KIF13B: variants seen among roughly 807,000 people sequenced by gnomAD.
The protein encoded by KIF13B is kinesin-like protein KIF13B.
In KIF13B, 127 loss-of-function variants were observed where a neutral mutation model predicts 222.0. That is an observed-to-expected ratio of 0.57 (90% CI 0.50 to 0.66). The LOEUF is 0.66. KIF13B is among the 30% of genes least tolerant of loss of function. KIF13B has a pLI of 0.00. For synonymous variants in KIF13B, 976 were observed against 919.0 expected, an observed-to-expected ratio of 1.06 and a Z score of -1.12; for missense variants, 2,173 against 2,379.0, an observed-to-expected ratio of 0.91 and a Z score of 1.80.
At chr8:29,074,151 C>G (rs1406890005) in intron 38 of KIF13B, among the ~76,000 whole-genome samples, 1 of 152,180 alleles carries the variant, frequency 6.6e-6, no homozygotes, top group African/African-American at 2.4e-5. Flanking sequence ...GCCAGGCTCT[C>G]CCAGGATGAG....
At chr8:29,220,618 C>T (rs1467152811) in intron 2 of KIF13B, among the ~76,000 whole-genome samples, 1 of 151,846 alleles carries the variant, frequency 6.6e-6, no homozygotes, top group Non-Finnish European at 1.5e-5. Context: ...AATAAGCCCA[C>T]AGAGAAGGAC....
chr8:29,263,192 G>T, upstream of KIF13B: 1 of 635,292 alleles, frequency 1.6e-6, no homozygotes, highest in Non-Finnish European at 2.6e-6. Flanking sequence ...CCGCTGTATG[G>T]CGGGACTTGT....
intron 1 of KIF13B, among the ~76,000 whole-genome samples, chr8:29,252,620 A>G (rs186292581): frequency 6.6e-6 from 1 of 152,370 alleles, no homozygotes; most frequent in East Asian, 1.9e-4. Flanking sequence ...CAAACTTTGC[A>G]TGCCACATGT....
At chr8:29,092,902 G>A in intron 36 of KIF13B, 24 bp from the exon 37 acceptor site, 1 of 1,581,176 alleles carries the variant, frequency 6.3e-7, no homozygotes, top group African/African-American at 1.4e-5. Flanking sequence ...AGGGGAAAAA[G>A]ATAAAACAAA....
At position 29,245,369 on chromosome 8, in the gene KIF13B, C is replaced by A. The variant is rs192135902; in HGVS notation, c.126G>T (p.Thr42=). Residue 42 remains threonine (T), a synonymous_variant, in exon 2 of 40, where the codon ACG becomes ACT. Transcript: ENST00000524189. The stretch of plus-strand genomic sequence containing the variant: ...ACCGGGCATCTCCTTTGGAAAGATT[C>A]GTATTTACAGGATTAAGAATAACCT... The part of the protein sequence containing the change: ...ANKVILNPVN[T]NLSKGDARGQ... The A allele has an allele frequency of 3.1e-6, 5 of 1,598,992 alleles. No homozygotes were observed. The highest frequency in any genetic ancestry group is 2.7e-5 in the African/African-American group (2 of 74,718).
At position 29,117,698 on chromosome 8, in the gene KIF13B, A is replaced by G. The variant is rs549717716; in HGVS notation, c.3661-691T>C. ...CTTCTTAGGGACACTATTAAGTAAT[A>G]ATGTGTCCTCAAATATCACATATCA... On this transcript the variant is annotated intron_variant, in intron 30 of 39. Transcript: ENST00000524189. 2.6e-5 allele frequency among the ~76,000 whole-genome samples: 4 copies of G among 152,298 alleles called. No homozygotes were observed. In the South Asian group the frequency reaches 6.2e-4, roughly 24 times the overall value.
In KIF13B at chr8:29,222,639, C is replaced by T. The variant is rs62505661; in HGVS notation, c.149+22707G>A. Among the ~76,000 whole-genome samples the T allele has an allele frequency of 3.0e-3, 424 of 143,140 alleles. 4 individuals are homozygous for T. The highest frequency in any genetic ancestry group is 0.01 in the African/African-American group (409 of 39,010). 93.9% of individuals were successfully genotyped at this position (143,140 alleles called of 152,430 possible). On this transcript the variant is annotated intron_variant, in intron 2 of 39. Coordinates refer to ENST00000524189, the MANE Select transcript of KIF13B (RefSeq NM_015254.4). ...TTCAGCTAAAGAATGAATTAGATTT[C>T]CTGAAAGCAAATAATGGAAAACTAT...
chr8:29,161,701 C>CT lies in KIF13B; in HGVS notation c.1270-835_1270-834insA, dbSNP rs1016768797. 4.1e-5 allele frequency among the ~76,000 whole-genome samples: 6 copies of CT among 147,076 alleles called. No homozygotes were observed. The East Asian group carries it at 6.0e-4, about 15-fold the overall frequency. ...ACAGAGAAAGACTCCATCTCAAAAC[C>CT]CCCCCCCAAAAAAAAACAAAAAACA... On this transcript the variant is annotated intron_variant, in intron 12 of 39. Coordinates refer to ENST00000524189, the MANE Select transcript of KIF13B (RefSeq NM_015254.4).
chr8:29,107,781 C>T (rs974389460), intron 35 of KIF13B, among the ~76,000 whole-genome samples: 3 of 151,992 alleles, frequency 2.0e-5, no homozygotes, highest in East Asian at 1.9e-4. Context: ...AGGATGGTCT[C>T]GATCTCCTGA....
chr8:29,262,851 G>A (rs1159895439), intron 1 of KIF13B, 129 bp downstream of exon 1: 12 of 642,898 alleles, frequency 1.9e-5, no homozygotes, highest in Admixed American at 8.5e-5. Context: ...CAGGGTCCCC[G>A]GGCCCCTCCT....
At chr8:29,169,618 T>G (rs2062206870) in intron 10 of KIF13B, among the ~76,000 whole-genome samples, 1 of 152,220 alleles carries the variant, frequency 6.6e-6, no homozygotes, top group African/African-American at 2.4e-5. Context: ...AAAATATAAT[T>G]TAATGTATGA....
intron 36 of KIF13B, 138 bp downstream of exon 36, chr8:29,098,995 C>A: frequency 2.8e-6 from 2 of 725,568 alleles, no homozygotes; most frequent in Admixed American, 2.2e-5. Flanking sequence ...GGAACTCAAC[C>A]TGTTAAGAGG....
At chr8:29,209,289 G>C (rs890911500) in intron 2 of KIF13B, among the ~76,000 whole-genome samples, 4 of 152,176 alleles carry the variant, frequency 2.6e-5, no homozygotes, top group Admixed American at 6.5e-5. Flanking sequence ...CAGGCTCATG[G>C]AGGGCGAGAA....
At position 29,109,917 on chromosome 8, in the gene KIF13B, C is replaced by T; in HGVS notation, c.4083+1G>A. On this transcript the variant is annotated splice_donor_variant, in intron 33 of 39. Coordinates refer to ENST00000524189, the MANE Select transcript of KIF13B (RefSeq NM_015254.4). LOFTEE classifies it high-confidence loss of function. ...CCGCCCTATCCATGCGGTTGGCTAA[C>T]CTGGCGCAGACGATCTAAAGTCAGG... The T allele has an allele frequency of 6.2e-7, 1 of 1,613,206 alleles. No homozygotes were observed.
At chr8:29,194,980 G>C (rs956662840) in intron 3 of KIF13B, among the ~76,000 whole-genome samples, 1 of 152,102 alleles carries the variant, frequency 6.6e-6, no homozygotes, top group African/African-American at 2.4e-5. Flanking sequence ...GGGCACGGTC[G>C]CTCACGCCTG....
chr8:29,161,133 T>C (rs369760202), intron 12 of KIF13B, among the ~76,000 whole-genome samples: 6 of 152,228 alleles, frequency 3.9e-5, no homozygotes, highest in African/African-American at 1.4e-4. Flanking sequence ...CTTGAAAATA[T>C]CTGATGTCTT....
intron 1 of KIF13B, among the ~76,000 whole-genome samples, chr8:29,252,493 C>T (rs1003754401): frequency 3.9e-5 from 6 of 152,202 alleles, no homozygotes; most frequent in African/African-American, 9.7e-5. Flanking sequence ...AGGTGTACCT[C>T]CCTTTATCTA....
At chr8:29,112,186 C>T (rs1809387259) in intron 32 of KIF13B, among the ~76,000 whole-genome samples, 1 of 152,164 alleles carries the variant, frequency 6.6e-6, no homozygotes, top group Admixed American at 6.5e-5. Flanking sequence ...CATAGTGGCT[C>T]ACGCCTGTAA....
At chr8:29,146,657 G>T in intron 17 of KIF13B, 117 bp from the exon 18 acceptor site, 1 of 901,460 alleles carries the variant, frequency 1.1e-6, no homozygotes, top group Non-Finnish European at 1.7e-6. Flanking sequence ...CTTTTTCCGT[G>T]GTCGTCTGCA....
Sources: allele counts gnomAD v4.1 joint callset (sites outside exome capture counted in the v4.1 genomes callset), GRCh38; gene constraint gnomAD v4.1.1; transcripts MANE v1.5; gene names NCBI Gene and HGNC (gene_info 2026-07-23, HGNC 2026-07-21).